The following GABRB3 variants were observed in gnomAD, a reference collection of about 807,000 sequenced individuals.
The protein encoded by GABRB3 is gamma-aminobutyric acid receptor subunit beta-3.
Under a neutral mutation model 52.1 loss-of-function variants are expected in GABRB3, and 14 were observed. The ratio of observed to expected loss-of-function variants is 0.27; its 90% confidence interval spans 0.18 to 0.42. The LOEUF is 0.42. Among genes scored for constraint, GABRB3 ranks in the 10% least tolerant of loss-of-function variants. The pLI, the probability that GABRB3 is intolerant of heterozygous loss-of-function variation, is 1.00. For synonymous variants in GABRB3, 260 were observed against 232.3 expected (o/e 1.12, Z -1.08); for missense variants, 307 against 609.1 (o/e 0.50, Z 5.22).
At chr15:26,713,250 A>G (rs1889360757) in intron 3 of GABRB3, among the ~76,000 whole-genome samples, 1 of 152,210 alleles carries the variant, frequency 6.6e-6, no homozygotes, top group Non-Finnish European at 1.5e-5. Flanking sequence ...GGGGAAGGGC[A>G]GTGGTAGTGG....
chr15:26,641,257 C>T (rs547987210), intron 3 of GABRB3, among the ~76,000 whole-genome samples: 7 of 152,324 alleles, frequency 4.6e-5, no homozygotes, highest in Non-Finnish European at 7.4e-5. Flanking sequence ...GGACATGAGG[C>T]GGAGAAATAA....
chr15:26,689,095 T>C (rs1444008253), intron 3 of GABRB3, among the ~76,000 whole-genome samples: 1 of 152,158 alleles, frequency 6.6e-6, no homozygotes, highest in African/African-American at 2.4e-5. Flanking sequence ...GTGAGTTCAG[T>C]GGTTTGTAAT....
At chr15:26,630,196 ACCTGCAGAGACCTTCTGGGCC>A (rs1478842050) in intron 3 of GABRB3, among the ~76,000 whole-genome samples, 3 of 152,132 alleles carry the variant, frequency 2.0e-5, no homozygotes, top group Non-Finnish European at 4.4e-5. Context: ...AGCCCAGGGC[ACCTGCAGAGACCTTCTGGGCC>A]CCTGCTCTAC....
In GABRB3 at chr15:26,677,962, A is replaced by G. The variant is rs1888119709; in HGVS notation, c.241-56428T>C. Among the ~76,000 whole-genome samples, 3 of 152,214 alleles carry G rather than the reference A, an allele frequency of 2.0e-5. No homozygotes were observed. The South Asian group carries it at 6.2e-4, about 31-fold the overall frequency. ...AAGAGAGGTCAGGAATTTATTTTCC[A>G]ATTAGGCACTGGGGGCCAGCTCTAT... On this transcript the variant is annotated intron_variant, in intron 3 of 8. Transcript: ENST00000311550.
intron 3 of GABRB3, among the ~76,000 whole-genome samples, chr15:26,760,809 G>GCA (rs10522762): frequency 1.3e-4 from 19 of 149,284 alleles, no homozygotes; most frequent in African/African-American, 2.2e-4. Flanking sequence ...ACACGCGCAC[G>GCA]CACACACACA....
intron 3 of GABRB3, among the ~76,000 whole-genome samples, chr15:26,741,993 A>G (rs1300262757): frequency 6.6e-6 from 1 of 152,200 alleles, no homozygotes; most frequent in African/African-American, 2.4e-5. Context: ...AATCATGTAA[A>G]TATTTTCGGA....
At chr15:26,735,751 C>A (rs1890047809) in intron 3 of GABRB3, among the ~76,000 whole-genome samples, 1 of 151,932 alleles carries the variant, frequency 6.6e-6, no homozygotes, top group South Asian at 2.1e-4. Flanking sequence ...AAGTTTGAGA[C>A]CAGCCTGGGC....
rs1276680462 is a variant in GABRB3, at chr15:26,603,014, G to T, written c.461+18300C>A. Among the ~76,000 whole-genome samples, 4 of 151,766 alleles carry T rather than the reference G, an allele frequency of 2.6e-5. No individual in the cohort carries two copies. The South Asian group carries it at 8.3e-4, about 32-fold the overall frequency. ...GAGAAACAAAATTGACAAACCTTTA[G>T]CCAGACTAACTACAAAAAAAGAGAG... On this transcript the variant is annotated intron_variant, in intron 4 of 8. Transcript: ENST00000311550.
intron 5 of GABRB3, 90 bp downstream of exon 5, chr15:26,583,242 T>C: frequency 3.8e-6 from 4 of 1,049,006 alleles, no homozygotes; most frequent in Non-Finnish European, 5.9e-6. Context: ...TCAAAAAAAT[T>C]ATGGATGCCT....
At chr15:26,715,508 A>G (rs1027748975) in intron 3 of GABRB3, among the ~76,000 whole-genome samples, 9 of 152,180 alleles carry the variant, frequency 5.9e-5, no homozygotes, top group African/African-American at 1.9e-4. Flanking sequence ...AATTATGACA[A>G]TAAGTCCTTA....
chr15:26,664,704 G>GTGT (rs1887652092), intron 3 of GABRB3, among the ~76,000 whole-genome samples: 1 of 95,224 alleles, frequency 1.1e-5, no homozygotes, highest in Non-Finnish European at 1.9e-5. Context: ...TCTTTTCTTT[G>GTGT]TTTTTTTTTT....
At chr15:26,651,395 A>G (rs1887193001) in intron 3 of GABRB3, among the ~76,000 whole-genome samples, 1 of 152,246 alleles carries the variant, frequency 6.6e-6, no homozygotes, top group Non-Finnish European at 1.5e-5. Flanking sequence ...CAGCCTTAGT[A>G]TCATCCTTCT....
At chr15:26,588,468 T>C (rs75872654) in intron 4 of GABRB3, among the ~76,000 whole-genome samples, 2,426 of 152,308 alleles carry the variant, frequency 0.016, 62 homozygotes, top group African/African-American at 0.055. Context: ...GTAAGCAGCT[T>C]GACCACGTTC....
At chr15:26,657,437 AGAGACCTGTACGG>A (rs1887408528) in intron 3 of GABRB3, 1 of 152,248 alleles carries the variant, frequency 6.6e-6, no homozygotes, top group African/African-American at 2.4e-5. Flanking sequence ...GTTTAGTAAC[AGAGACCTGTACGG>A]TCTAAATCTA....
Position 26,567,711 on chromosome 15 carries a change from C to T in GABRB3, c.705G>A (p.Leu235=). The T allele has an allele frequency of 6.2e-7, 1 of 1,614,078 alleles. No homozygotes were observed. Among genetic ancestry groups the T allele is most frequent in the Middle Eastern group, 1.6e-4 (1 of 6,062 alleles). Reference sequence around the variant, plus strand: ...CAATGTTCCTCTTCAACCGAAAGCTCAGTGACAGTCGAGGATAGGCACCTA... The same window carrying T: ...CAATGTTCCTCTTCAACCGAAAGCTTAGTGACAGTCGAGGATAGGCACCTA... ...FATGAYPRLS[L]SFRLKRNIGY... is the part of the protein sequence containing the mutation. Residue 235 remains leucine (L), a synonymous_variant, in exon 7 of 9, where the codon CTG becomes CTA. Transcript: ENST00000311550.
rs188562181 is a variant in GABRB3 at position 26,555,893 on chromosome 15, C to T, written c.1080+5039G>A. Among the ~76,000 whole-genome samples the T allele has an allele frequency of 2.3e-4, 35 of 152,136 alleles. No homozygotes were observed. The East Asian group carries it at 4.3e-3, about 18-fold the overall frequency. ...TGAACCAGTATGTAGAAAATTTCCA[C>T]AAAAATTACTCATGGATTTTTTTTT... is the stretch of plus-strand genomic sequence containing the variant. On this transcript the variant is annotated intron_variant, in intron 8 of 8. Coordinates refer to ENST00000311550, the MANE Select transcript of GABRB3 (RefSeq NM_000814.6).
chr15:26,698,257 T>A (rs28731231), intron 3 of GABRB3, among the ~76,000 whole-genome samples: 3,642 of 152,304 alleles, frequency 0.024, 142 homozygotes, highest in African/African-American at 0.083. Context: ...GAAAATGCAA[T>A]AAAGTGTTTA....
chr15:26,644,203 T>G (rs1300706073), intron 3 of GABRB3, among the ~76,000 whole-genome samples: 1 of 152,210 alleles, frequency 6.6e-6, no homozygotes, highest in African/African-American at 2.4e-5. Flanking sequence ...TGCACATTTT[T>G]GGGTTTGCAC....
intron 3 of GABRB3, among the ~76,000 whole-genome samples, chr15:26,633,381 A>C (rs1015834477): frequency 1.3e-5 from 2 of 150,916 alleles, no homozygotes; most frequent in African/African-American, 4.9e-5. Flanking sequence ...CCTCCCACCC[A>C]CTCTCTCTTC....
Sources: allele counts gnomAD v4.1 joint callset (sites outside exome capture counted in the v4.1 genomes callset), GRCh38; gene constraint gnomAD v4.1.1; transcripts MANE v1.5; gene names NCBI Gene and HGNC (gene_info 2026-07-23, HGNC 2026-07-21).